Variants in CTNNA2 observed in about 807,000 individuals in gnomAD.
CTNNA2 encodes the protein catenin alpha-2.
Under a neutral mutation model 101.0 loss-of-function variants are expected in CTNNA2, and 42 were observed. The ratio of observed to expected loss-of-function variants is 0.42; its 90% CI spans 0.32 to 0.54. CTNNA2 has a LOEUF of 0.54. CTNNA2 is among the 20% of genes least tolerant of loss of function. The pLI is 0.14. For missense variants in CTNNA2, 871 were observed against 1,223.1 expected, an observed-to-expected ratio of 0.71 and a Z score of 4.29; for synonymous variants, 450 against 456.4, an observed-to-expected ratio of 0.99 and a Z score of 0.18.
intron 17 of CTNNA2, chr2:80,618,573 A>G (rs954119244): frequency 2.0e-5 from 3 of 151,938 alleles, no homozygotes; most frequent in Non-Finnish European, 4.4e-5. Context: ...AGTGATCCCA[A>G]TGAAAGAGGT....
intron 7 of CTNNA2, among the ~76,000 whole-genome samples, chr2:80,128,428 C>T (rs969442266): frequency 1.3e-5 from 2 of 152,084 alleles, no homozygotes; most frequent in African/African-American, 4.8e-5. Flanking sequence ...AGTCTAGTCC[C>T]TATCCTCTCT....
chr2:79,501,570 A>G (rs975848796), intron 4 of CTNNA2, among the ~76,000 whole-genome samples: 3 of 152,212 alleles, frequency 2.0e-5, no homozygotes, highest in African/African-American at 7.2e-5. Context: ...ATACTGCACT[A>G]GATTGCTTAT....
intron 4 of CTNNA2, among the ~76,000 whole-genome samples, chr2:79,448,810 C>T (rs1188001577): frequency 6.6e-5 from 10 of 151,980 alleles, no homozygotes; most frequent in East Asian, 1.9e-4. Context: ...AATGGTTCAA[C>T]GGAAATCAAA....
chr2:80,442,978 G>T (rs751116997), intron 9 of CTNNA2, among the ~76,000 whole-genome samples: 23 of 152,176 alleles, frequency 1.5e-4, no homozygotes, highest in Admixed American at 3.9e-4. Flanking sequence ...AGTGAGAGGG[G>T]CCTGCAATAA....
At chr2:79,655,908 G>A (rs968255788) in intron 2 of CTNNA2, among the ~76,000 whole-genome samples, 2 of 151,990 alleles carry the variant, frequency 1.3e-5, no homozygotes, top group Admixed American at 1.3e-4. Context: ...CAAAAGCAAT[G>A]CATTAAAATA....
Position 80,573,858 on chromosome 2 carries a change from G to A in CTNNA2, c.1742-305G>A, listed in dbSNP as rs370565685. On this transcript the variant is annotated intron_variant, in intron 12 of 18. Transcript: ENST00000402739. ...CCAGCAGAAATGCAACTCAGTTTGGGGTTAGGGTAACATGAAAACTATATT... is the reference window on the plus strand; with the variant it reads ...CCAGCAGAAATGCAACTCAGTTTGGAGTTAGGGTAACATGAAAACTATATT... Among the ~76,000 whole-genome samples the A allele has an allele frequency of 4.6e-4, 70 of 152,228 alleles. 1 individual carries two copies. The East Asian group carries it at 0.012, about 26-fold the overall frequency.
intron 7 of CTNNA2, among the ~76,000 whole-genome samples, chr2:80,382,578 C>T (rs1484486118): frequency 1.3e-5 from 2 of 152,156 alleles, no homozygotes; most frequent in Non-Finnish European, 2.9e-5. Flanking sequence ...TTTCTGTGAA[C>T]TGGGAGGGCA....
intron 7 of CTNNA2, among the ~76,000 whole-genome samples, chr2:80,383,182 A>C (rs72912874): frequency 0.077 from 11,753 of 152,262 alleles, 496 homozygotes; most frequent in Non-Finnish European, 0.094. Context: ...CTGTGTTGAT[A>C]AAATAAATCA....
chr2:79,814,638 C>CACACACACACACACACACACATAT lies in CTNNA2; in HGVS notation c.299-43374_299-43373insCACACACACACACACACACATATA, dbSNP rs145584853. Among the ~76,000 whole-genome samples the CACACACACACACACACACACATAT allele has an allele frequency of 8.7e-4, 128 of 147,046 alleles. 1 individual carries two copies. The highest frequency in any genetic ancestry group is 3.0e-3 in the African/African-American group (116 of 39,242). ...ACACACACACACACACACACACACA[C>CACACACACACACACACACACATAT]ATATATATATATATCACAGTTTCTT... On this transcript the variant is annotated intron_variant, in intron 3 of 18. Coordinates refer to ENST00000402739, the MANE Select transcript of CTNNA2 (RefSeq NM_001282597.3).
At chr2:79,794,918 C>A (rs1675579577) in intron 3 of CTNNA2, among the ~76,000 whole-genome samples, 1 of 152,116 alleles carries the variant, frequency 6.6e-6, no homozygotes, top group Non-Finnish European at 1.5e-5. Flanking sequence ...ATGTCCTATA[C>A]CGGAACAGGA....
intron 7 of CTNNA2, among the ~76,000 whole-genome samples, chr2:80,045,588 C>T (rs1403126204): frequency 6.6e-6 from 1 of 152,166 alleles, no homozygotes; most frequent in Non-Finnish European, 1.5e-5. Context: ...CTATCTAAAT[C>T]AAGAGTACAT....
chr2:79,773,162 G>A (rs183527629), intron 3 of CTNNA2, among the ~76,000 whole-genome samples: 1 of 152,308 alleles, frequency 6.6e-6, no homozygotes, highest in East Asian at 1.9e-4. Context: ...GACATAAACT[G>A]GAAGTGTGAG....
At chr2:79,614,266 A>T (rs1354992150) in intron 1 of CTNNA2, among the ~76,000 whole-genome samples, 1 of 152,182 alleles carries the variant, frequency 6.6e-6, no homozygotes, top group East Asian at 1.9e-4. Context: ...GTTAAAAAAT[A>T]AGAAAATAAC....
chr2:79,242,979 T>TA (rs1210568629), intron 2 of CTNNA2, among the ~76,000 whole-genome samples: 36 of 64,234 alleles, frequency 5.6e-4, no homozygotes, highest in Non-Finnish European at 1.0e-3. Flanking sequence ...AATATATATA[T>TA]ATATATATAT....
chr2:80,187,294 G>T (rs1422736704), intron 7 of CTNNA2, among the ~76,000 whole-genome samples: 1 of 152,312 alleles, frequency 6.6e-6, no homozygotes. Flanking sequence ...TCTGAAAAGT[G>T]CCAGAAAATG....
chr2:79,568,925 T>A (rs1483858546), intron 1 of CTNNA2, among the ~76,000 whole-genome samples: 1 of 145,422 alleles, frequency 6.9e-6, no homozygotes, highest in Non-Finnish European at 1.5e-5. Context: ...TCCTAGCCAC[T>A]GAGGAGGCTG....
At chr2:79,678,576 A>G (rs1430746312) in intron 2 of CTNNA2, among the ~76,000 whole-genome samples, 3 of 150,814 alleles carry the variant, frequency 2.0e-5, no homozygotes, top group Non-Finnish European at 4.4e-5. Flanking sequence ...CTCTATCCCC[A>G]TAGTTTCTTC....
chr2:80,292,421 C>T (rs914639556), intron 7 of CTNNA2, among the ~76,000 whole-genome samples: 9 of 151,924 alleles, frequency 5.9e-5, no homozygotes. Context: ...AGTTGTTGAC[C>T]CACCCCAACC....
intron 7 of CTNNA2, among the ~76,000 whole-genome samples, chr2:80,332,342 G>T (rs1468719164): frequency 2.0e-5 from 3 of 152,148 alleles, no homozygotes; most frequent in Non-Finnish European, 2.9e-5. Flanking sequence ...TCTTTGGGTT[G>T]TCTGTTTTTA....
Sources: gnomAD v4.1 joint callset for allele counts (sites outside exome capture counted in the v4.1 genomes callset) on GRCh38, gnomAD v4.1.1 for gene constraint, MANE v1.5 for transcripts, NCBI Gene and HGNC (gene_info 2026-07-23, HGNC 2026-07-21) for gene names.